The following NME7 variants were observed in gnomAD, a reference collection of about 807,000 sequenced individuals.
NME7 encodes the protein nucleoside diphosphate kinase 7.
NME7 carries 41 observed loss-of-function variants against 49.1 expected under a neutral mutation model. The ratio of observed to expected loss-of-function variants is 0.83; its 90% confidence interval spans 0.65 to 1.08. NME7 has a LOEUF of 1.08. Ranked by LOEUF, NME7 falls within the 50% of genes least tolerant of loss-of-function variation. The pLI is 0.00. For missense variants in NME7, 423 were observed against 463.4 expected, an observed-to-expected ratio of 0.91 and a Z score of 0.80; for synonymous variants, 139 against 150.6, an observed-to-expected ratio of 0.92 and a Z score of 0.56.
At chr1:169,296,204 T>C (rs1650699981) in intron 6 of NME7, among the ~76,000 whole-genome samples, 2 of 152,136 alleles carry the variant, frequency 1.3e-5, no homozygotes, top group Non-Finnish European at 2.9e-5. Flanking sequence ...CGTCCCACAA[T>C]TTTCTTTTAA....
At chr1:169,221,584 T>A (rs1230894250) in intron 10 of NME7, among the ~76,000 whole-genome samples, 1 of 152,082 alleles carries the variant, frequency 6.6e-6, no homozygotes, top group Non-Finnish European at 1.5e-5. Context: ...TTTATACATA[T>A]TCAAGTCTTT....
intron 11 of NME7, among the ~76,000 whole-genome samples, chr1:169,150,879 C>A (rs1658895090): frequency 6.6e-6 from 1 of 152,070 alleles, no homozygotes; most frequent in Non-Finnish European, 1.5e-5. Flanking sequence ...TAAAAGGCTA[C>A]ACTAAAAGAA....
chr1:169,361,365 T>C (rs1242169271), intron 1 of NME7, among the ~76,000 whole-genome samples: 4 of 152,234 alleles, frequency 2.6e-5, no homozygotes, highest in African/African-American at 9.6e-5. Context: ...GAGTTTCATA[T>C]CTGCAATTTA....
At chr1:169,340,948 G>C (rs540293721) in intron 1 of NME7, among the ~76,000 whole-genome samples, 15 of 152,300 alleles carry the variant, frequency 9.8e-5, no homozygotes, top group African/African-American at 3.6e-4. Flanking sequence ...TAAAGGTTTG[G>C]AAAACTTGCA....
chr1:169,339,709 A>G (rs1366464337), intron 1 of NME7, among the ~76,000 whole-genome samples: 1 of 151,930 alleles, frequency 6.6e-6, no homozygotes, highest in Non-Finnish European at 1.5e-5. Flanking sequence ...CCAGACCTTC[A>G]CTCTGCTCTT....
chr1:169,267,291 A>T (rs1169220619), intron 7 of NME7, among the ~76,000 whole-genome samples: 1 of 133,878 alleles, frequency 7.5e-6, no homozygotes, highest in East Asian at 2.0e-4. Context: ...ATGTAAGAAC[A>T]TTCCATGCTC....
rs542201497 is a variant in NME7 at position 169,277,082 on chromosome 1, C to T, written c.754+10221G>A. Among the ~76,000 whole-genome samples, 343 of 150,118 alleles carry T rather than the reference C, an allele frequency of 2.3e-3. 12 individuals are homozygous for T. Among genetic ancestry groups the T allele is most frequent in the Non-Finnish European group, 4.2e-3 (286 of 67,306 alleles). On this transcript the variant is annotated intron_variant, in intron 7 of 11. Coordinates refer to ENST00000367811, the MANE Select transcript of NME7 (RefSeq NM_013330.5). ...TTGTTATAATTTCTGTTCTTTTACACTTGCTGAGGAGAGCTTTACTTCCAA... is the reference window on the plus strand; with the variant it reads ...TTGTTATAATTTCTGTTCTTTTACATTTGCTGAGGAGAGCTTTACTTCCAA...
chr1:169,310,986 TTGC>T (rs2101921547), intron 3 of NME7, among the ~76,000 whole-genome samples: 1 of 152,344 alleles, frequency 6.6e-6, no homozygotes, highest in South Asian at 2.1e-4. Context: ...TGATAAAGAA[TTGC>T]TGCTACTTTT....
chr1:169,301,977 A>C (rs2101910633), intron 5 of NME7: 1 of 152,262 alleles, frequency 6.6e-6, no homozygotes, highest in Non-Finnish European at 1.5e-5. Context: ...CACTACCTGG[A>C]TGATGGGATC....
intron 1 of NME7, among the ~76,000 whole-genome samples, chr1:169,357,258 G>A (rs1324565595): frequency 6.6e-6 from 1 of 151,786 alleles, no homozygotes; most frequent in Non-Finnish European, 1.5e-5. Flanking sequence ...CTTCCTCCAA[G>A]ACTGTGAGCT....
At chr1:169,248,427 TG>T (rs1242874852) in intron 7 of NME7, among the ~76,000 whole-genome samples, 1 of 152,140 alleles carries the variant, frequency 6.6e-6, no homozygotes, top group African/African-American at 2.4e-5. Context: ...CTCTGTGGGT[TG>T]TCTATTTATT....
intron 1 of NME7, among the ~76,000 whole-genome samples, chr1:169,336,463 C>A (rs995851945): frequency 7.2e-5 from 11 of 152,016 alleles, no homozygotes; most frequent in Non-Finnish European, 1.6e-4. Flanking sequence ...GTTTACAATC[C>A]CTGAGCTAGA....
intron 10 of NME7, among the ~76,000 whole-genome samples, chr1:169,200,374 A>G (rs746264884): frequency 3.9e-5 from 6 of 152,104 alleles, no homozygotes; most frequent in Non-Finnish European, 8.8e-5. Context: ...GTCATTTAGA[A>G]TTGCTTGGAG....
At chr1:169,241,912 A>C (rs1648106334) in intron 7 of NME7, among the ~76,000 whole-genome samples, 1 of 151,648 alleles carries the variant, frequency 6.6e-6, no homozygotes, top group Non-Finnish European at 1.5e-5. Flanking sequence ...TAGCCCTTAT[A>C]AATATAAATA....
In NME7 at chr1:169,286,088, TAAC is replaced by T. The variant is rs1254771463; in HGVS notation, c.754+1212_754+1214del. On this transcript the variant is annotated intron_variant, in intron 7 of 11. Coordinates refer to ENST00000367811, the MANE Select transcript of NME7 (RefSeq NM_013330.5). ...ATCTATTAAAATATTAATGAGGACT[TAAC>T]AGCAGCCAGAAATGCTCACAAAAAT... The T allele has an allele frequency of 3.3e-5, 5 of 152,264 alleles. No individual in the cohort carries two copies. In the South Asian group the frequency reaches 8.3e-4, roughly 25 times the overall value. 9.4% of individuals were successfully genotyped at this position (152,264 alleles called of 1,614,324 possible).
chr1:169,299,833 A>G (rs1195625780), intron 5 of NME7, among the ~76,000 whole-genome samples: 2 of 152,166 alleles, frequency 1.3e-5, no homozygotes, highest in Non-Finnish European at 2.9e-5. Context: ...CTTTGCTGCC[A>G]AAACAAACAA....
intron 6 of NME7, among the ~76,000 whole-genome samples, chr1:169,296,080 T>TA (rs996174541): frequency 1.3e-5 from 2 of 151,828 alleles, no homozygotes; most frequent in African/African-American, 4.8e-5. Flanking sequence ...CCTCTCCTCT[T>TA]AAAAAAAATT....
chr1:169,337,128 C>T (rs1020217799), intron 1 of NME7, among the ~76,000 whole-genome samples: 9 of 152,294 alleles, frequency 5.9e-5, no homozygotes, highest in East Asian at 5.8e-4. Flanking sequence ...GAGCAGGGGG[C>T]GGCGCTTGTA....
At chr1:169,147,997 T>C (rs1166012283) in intron 11 of NME7, among the ~76,000 whole-genome samples, 1 of 111,960 alleles carries the variant, frequency 8.9e-6, no homozygotes, top group African/African-American at 3.5e-5. Flanking sequence ...TTCTTTCAAG[T>C]TTCTTTTATT....
Sources: allele counts gnomAD v4.1 joint callset (sites outside exome capture counted in the v4.1 genomes callset), GRCh38; gene constraint gnomAD v4.1.1; transcripts MANE v1.5; gene names NCBI Gene and HGNC (gene_info 2026-07-23, HGNC 2026-07-21).